Variants in DIAPH3 observed in about 807,000 individuals in gnomAD.
The protein encoded by DIAPH3 is diaphanous related formin 3.
In DIAPH3, 117 loss-of-function variants were observed where a neutral mutation model predicts 144.3. The observed-to-expected ratio is 0.81, with a 90% CI of 0.70 to 0.95. The LOEUF is 0.95. Among genes scored for constraint, DIAPH3 ranks in the 40% least tolerant of loss-of-function variants. The probability of loss-of-function intolerance (pLI) is 0.00; values close to 1 mark genes in which losing one functional copy is unlikely to be tolerated. For synonymous variants in DIAPH3, 519 were observed against 488.9 expected (o/e 1.06, Z -0.81); for missense variants, 1,421 against 1,412.7 (o/e 1.01, Z -0.09).
intron 17 of DIAPH3, among the ~76,000 whole-genome samples, chr13:59,945,983 A>G (rs1156480930): frequency 3.3e-5 from 5 of 152,352 alleles, no homozygotes; most frequent in South Asian, 2.1e-4. Flanking sequence ...AAGCTTATAC[A>G]TTAAGTAGGC....
intron 4 of DIAPH3, among the ~76,000 whole-genome samples, chr13:60,092,710 T>C (rs771898522): frequency 2.4e-4 from 37 of 151,906 alleles, no homozygotes; most frequent in Non-Finnish European, 4.4e-4. Context: ...TTTCTATACC[T>C]GAAGAGCAAG....
chr13:59,833,078 C>A (rs1265845005), intron 24 of DIAPH3, 29 bp downstream of exon 24: 1 of 1,576,366 alleles, frequency 6.3e-7, no homozygotes, highest in Non-Finnish European at 8.6e-7. Flanking sequence ...AATAAAAAAA[C>A]TTTTTAAAAA....
chr13:59,954,848 A>G lies in DIAPH3; in HGVS notation c.2074+15096T>C, dbSNP rs146031765. On this transcript the variant is annotated intron_variant, in intron 17 of 27. Transcript: ENST00000400324. Reference sequence around the variant, plus strand: ...AACAACCAGATCTCATGAGAACTCAATCATGAGGCAGCACTAAGGGGATGG... The same window carrying G: ...AACAACCAGATCTCATGAGAACTCAGTCATGAGGCAGCACTAAGGGGATGG... 7.8e-3 allele frequency among the ~76,000 whole-genome samples: 1,180 copies of G among 152,094 alleles called. 17 individuals are homozygous for G. The highest frequency in any genetic ancestry group is 0.026 in the African/African-American group (1,087 of 41,482).
chr13:60,072,249 TCTCTAC>T (rs2057237429), intron 4 of DIAPH3, among the ~76,000 whole-genome samples: 1 of 152,190 alleles, frequency 6.6e-6, no homozygotes, highest in Non-Finnish European at 1.5e-5. Context: ...ATCTAATTCT[TCTCTAC>T]CTCTCTCCAC....
intron 25 of DIAPH3, among the ~76,000 whole-genome samples, chr13:59,786,674 G>GA (rs1040025195): frequency 6.6e-6 from 1 of 151,808 alleles, no homozygotes; most frequent in African/African-American, 2.4e-5. Context: ...CATTTAAAAA[G>GA]AAAAAAAACT....
intron 21 of DIAPH3, among the ~76,000 whole-genome samples, chr13:59,871,195 TG>T (rs71089518): frequency 0.61 from 77,942 of 127,776 alleles, 24,077 homozygotes; most frequent in East Asian, 0.73. Context: ...CCATTTTTTT[TG>T]GGGGGGGGGG....
chr13:59,968,090 TTAGA>T (rs1240854028), intron 17 of DIAPH3, among the ~76,000 whole-genome samples: 3 of 152,300 alleles, frequency 2.0e-5, no homozygotes, highest in Admixed American at 6.5e-5. Flanking sequence ...CTAACTAGTA[TTAGA>T]TAGAGCAAAT....
chr13:59,720,458 G>T lies in DIAPH3; in HGVS notation c.3320-53612C>A, dbSNP rs538005127. Among the ~76,000 whole-genome samples, 149 of 152,028 alleles carry T rather than the reference G, an allele frequency of 9.8e-4. 1 individual carries two copies. The highest frequency in any genetic ancestry group is 3.4e-3 in the African/African-American group (139 of 41,490). On this transcript the variant is annotated intron_variant, in intron 27 of 27. Coordinates refer to ENST00000400324, the MANE Select transcript of DIAPH3 (RefSeq NM_001042517.2). ...TTTGTAAAAAAAGTTCTTAAAAATT[G>T]AACATAAAATATTTATTTTAATAAA...
At chr13:59,714,328 C>T (rs1164463409) in intron 27 of DIAPH3, among the ~76,000 whole-genome samples, 1 of 143,432 alleles carries the variant, frequency 7.0e-6, no homozygotes, top group African/African-American at 2.6e-5. Context: ...CCACTGCACT[C>T]CAGCCTGGGC....
At chr13:59,888,992 C>T (rs75219679) in intron 20 of DIAPH3, among the ~76,000 whole-genome samples, 5,225 of 152,100 alleles carry the variant, frequency 0.034, 113 homozygotes, top group Non-Finnish European at 0.049. Context: ...CCTACATGTA[C>T]TGTGCCTTTT....
chr13:59,918,814 G>T (rs1189643478), intron 18 of DIAPH3, among the ~76,000 whole-genome samples: 1 of 151,842 alleles, frequency 6.6e-6, no homozygotes, highest in South Asian at 2.1e-4. Flanking sequence ...AGACAATCAG[G>T]GAAACATGAC....
At chr13:60,140,842 G>C (rs2056995269) in intron 1 of DIAPH3, among the ~76,000 whole-genome samples, 1 of 138,134 alleles carries the variant, frequency 7.2e-6, no homozygotes, top group South Asian at 2.3e-4. Flanking sequence ...ATAAATATGT[G>C]CACAGACTTT....
intron 12 of DIAPH3, among the ~76,000 whole-genome samples, chr13:59,988,261 C>G (rs780539041): frequency 1.3e-5 from 2 of 151,798 alleles, no homozygotes; most frequent in Admixed American, 6.6e-5. Flanking sequence ...TCTCCCATCC[C>G]CAAATATTTC....
chr13:59,956,173 G>A (rs1423612422), intron 17 of DIAPH3, among the ~76,000 whole-genome samples: 1 of 152,218 alleles, frequency 6.6e-6, no homozygotes, highest in Non-Finnish European at 1.5e-5. Flanking sequence ...ATCAGCTGCA[G>A]AAATTTGCAT....
intron 24 of DIAPH3, among the ~76,000 whole-genome samples, chr13:59,825,798 A>AT (rs1415067418): frequency 6.6e-6 from 1 of 152,022 alleles, no homozygotes; most frequent in Non-Finnish European, 1.5e-5. Context: ...GATGATGAGC[A>AT]TTTTTTCATG....
At chr13:59,949,369 CA>C (rs773485909) in intron 17 of DIAPH3, among the ~76,000 whole-genome samples, 14 of 152,132 alleles carry the variant, frequency 9.2e-5, no homozygotes, top group Non-Finnish European at 1.8e-4. Flanking sequence ...AGAGGGGAAT[CA>C]AGAAACCTAA....
Position 60,102,766 on chromosome 13 carries a change from T to C in DIAPH3, c.391-9034A>G, listed in dbSNP as rs545227034. ...TCAGTGACCTAGAACAGAGTCAATA[T>C]AACGACTGACCCCTGCCAAGTAGTA... is the stretch of plus-strand genomic sequence containing the variant. On this transcript the variant is annotated intron_variant, in intron 3 of 27. Transcript: ENST00000400324. 4.7e-4 allele frequency among the ~76,000 whole-genome samples: 72 copies of C among 152,228 alleles called. 3 individuals are homozygous for C. In the South Asian group the frequency reaches 0.014, roughly 30 times the overall value.
rs79120244 is a variant in DIAPH3, at chr13:60,057,674, C to T, written c.496-14854G>A. Among the ~76,000 whole-genome samples, 978 of 152,084 alleles carry T rather than the reference C, an allele frequency of 6.4e-3. 23 individuals are homozygous for T. The East Asian group carries it at 0.076, about 12-fold the overall frequency. ...GACAGGGATATAGTAACCAAAACAG[C>T]ATGGTATTGGTATAAAAGGAGATAC... is the stretch of plus-strand genomic sequence containing the variant. On this transcript the variant is annotated intron_variant, in intron 4 of 27. Transcript: ENST00000400324.
At chr13:59,910,737 TAA>T (rs761070763) in intron 20 of DIAPH3, among the ~76,000 whole-genome samples, 24 of 119,760 alleles carry the variant, frequency 2.0e-4, no homozygotes, top group Non-Finnish European at 2.1e-4. Flanking sequence ...CTCAAGTATT[TAA>T]AAAAAAAAAA....
Sources: allele counts gnomAD v4.1 joint callset (sites outside exome capture counted in the v4.1 genomes callset), GRCh38; gene constraint gnomAD v4.1.1; transcripts MANE v1.5; gene names NCBI Gene and HGNC (gene_info 2026-07-23, HGNC 2026-07-21).